The following UBR7 variants were observed in gnomAD, a reference collection of about 807,000 sequenced individuals.
UBR7 encodes the protein putative E3 ubiquitin-protein ligase UBR7.
In UBR7, 22 loss-of-function variants were observed where a neutral mutation model predicts 57.0. The ratio of observed to expected loss-of-function variants is 0.39; its 90% confidence interval spans 0.28 to 0.55. The LOEUF is 0.55. UBR7 is among the 20% of genes least tolerant of loss of function. The pLI is 0.69. For missense variants in UBR7, 395 were observed against 513.2 expected, an observed-to-expected ratio of 0.77 and a Z score of 2.23; for synonymous variants, 167 against 179.8, an observed-to-expected ratio of 0.93 and a Z score of 0.57.
chr14:93,222,117 T>C (rs1220392783), intron 9 of UBR7, among the ~76,000 whole-genome samples, 196 bp from the exon 10 acceptor site: 1 of 151,894 alleles, frequency 6.6e-6, no homozygotes, highest in Non-Finnish European at 1.5e-5. Context: ...TTTTTTTTTT[T>C]TAATGAAAAA....
chr14:93,220,664 A>G (rs1894686421), intron 9 of UBR7, among the ~76,000 whole-genome samples: 2 of 152,182 alleles, frequency 1.3e-5, no homozygotes, highest in Non-Finnish European at 2.9e-5. Context: ...GGATGAATGC[A>G]AATTTTCCAT....
chr14:93,220,697 T>C (rs995420784), intron 9 of UBR7, among the ~76,000 whole-genome samples: 1 of 152,164 alleles, frequency 6.6e-6, no homozygotes, highest in African/African-American at 2.4e-5. Context: ...TTTTTGGACA[T>C]TATGTGTCAT....
At chr14:93,224,084 G>A (rs1894777987) in intron 10 of UBR7, 1 of 1,028,840 alleles carries the variant, frequency 9.7e-7, no homozygotes, top group Non-Finnish European at 1.5e-6. Context: ...GCATTTGGGG[G>A]TGGGCAGGCA....
At chr14:93,223,460 G>A in intron 10 of UBR7, 1 of 541,404 alleles carries the variant, frequency 1.8e-6, no homozygotes, top group Non-Finnish European at 3.3e-6. Flanking sequence ...CTACTTGGGA[G>A]GCTGGCTTGA....
chr14:93,222,248 G>T, intron 9 of UBR7, 65 bp from the exon 10 acceptor site: 1 of 1,200,256 alleles, frequency 8.3e-7, no homozygotes, highest in Non-Finnish European at 1.2e-6. Context: ...CAATGGCAAA[G>T]AATATTTTGT....
At chr14:93,214,846 A>G in intron 4 of UBR7, 83 bp from the exon 5 acceptor site, 1 of 1,201,010 alleles carries the variant, frequency 8.3e-7, no homozygotes. Flanking sequence ...ACAAATATTT[A>G]GTATCTTATT....
intron 9 of UBR7, among the ~76,000 whole-genome samples, chr14:93,222,105 CTT>C (rs746135012): frequency 1.3e-4 from 17 of 135,524 alleles, no homozygotes; most frequent in Admixed American, 1.5e-4. Flanking sequence ...AAAAATTTTG[CTT>C]TTTTTTTTTT....
chr14:93,210,774 A>G (rs1400203525), intron 3 of UBR7, 66 bp downstream of exon 3: 5 of 1,349,460 alleles, frequency 3.7e-6, no homozygotes, highest in South Asian at 1.3e-5. Context: ...CAGAGTGGGT[A>G]AAAAAACAAA....
At chr14:93,219,546 T>A (rs1894662726) in intron 8 of UBR7, among the ~76,000 whole-genome samples, 185 bp downstream of exon 8, 1 of 152,222 alleles carries the variant, frequency 6.6e-6, no homozygotes, top group South Asian at 2.1e-4. Context: ...TTAAGCAAAT[T>A]TATGACATAG....
intron 5 of UBR7, 64 bp downstream of exon 5, chr14:93,215,046 C>T (rs972851156): frequency 1.4e-6 from 2 of 1,468,524 alleles, no homozygotes; most frequent in Non-Finnish European, 1.9e-6. Context: ...TTATATTTTA[C>T]ATTATAATTA....
Position 93,213,229 on chromosome 14 carries a change from T to C in UBR7, c.441+1102T>C, listed in dbSNP as rs1157945520. 1.3e-5 allele frequency among the ~76,000 whole-genome samples: 2 copies of C among 152,292 alleles called. 1 individual carries two copies. Among genetic ancestry groups the C allele is most frequent in the African/African-American group, 4.8e-5 (2 of 41,574 alleles). On this transcript the variant is annotated intron_variant, in intron 4 of 10. Transcript: ENST00000013070. ...AGCAACAGTATATGATAGTGTTTTT[T>C]CCCCAACACTTTTGTCAACCTTGCA... is the stretch of plus-strand genomic sequence containing the variant.
At chr14:93,211,836 A>C (rs1253018461) in intron 3 of UBR7, among the ~76,000 whole-genome samples, 196 bp from the exon 4 acceptor site, 7 of 152,102 alleles carry the variant, frequency 4.6e-5, no homozygotes. Context: ...AAACAAAAAA[A>C]AATTATTTTT....
Position 93,228,943 on chromosome 14 carries a change from TC to T in UBR7, c.*1910del, listed in dbSNP as rs1254795646. On this transcript the variant is annotated 3_prime_UTR_variant, in exon 11 of 11. Transcript: ENST00000013070. Reference sequence around the variant, plus strand: ...GGGCTTGTTTTATGAAAGGTACTATTCCTTCTTTCACATTAACTGGAAACCT... The same window carrying T: ...GGGCTTGTTTTATGAAAGGTACTATTCTTCTTTCACATTAACTGGAAACCT... 1 of 454,130 alleles carries T rather than the reference TC, an allele frequency of 2.2e-6. No individual in the cohort carries two copies. Among genetic ancestry groups the T allele is most frequent in the Non-Finnish European group, 4.4e-6 (1 of 226,794 alleles). The allele number at this position is 454,130 out of a possible 1,614,324, so 28.1% of individuals were successfully genotyped here.
chr14:93,221,112 A>ATT (rs1160957010), intron 9 of UBR7, among the ~76,000 whole-genome samples: 11 of 136,840 alleles, frequency 8.0e-5, no homozygotes, highest in Non-Finnish European at 1.4e-4. Context: ...CGCCCCCCCA[A>ATT]TTTTTTTTTT....
At position 93,217,669 on chromosome 14, in the gene UBR7, T is replaced by A. The variant is rs1005207016; in HGVS notation, c.602-858T>A. Among the ~76,000 whole-genome samples, 8 of 152,250 alleles carry A rather than the reference T, an allele frequency of 5.3e-5. 1 individual carries two copies. The highest frequency in any genetic ancestry group is 1.9e-4 in the African/African-American group (8 of 41,474). ...CAGTGATTGATATTTTCAAATAAACTGTTTAATTATTTGAATTCTTTGGGT... is the reference window on the plus strand; with the variant it reads ...CAGTGATTGATATTTTCAAATAAACAGTTTAATTATTTGAATTCTTTGGGT... On this transcript the variant is annotated intron_variant, in intron 6 of 10. Transcript: ENST00000013070.
At chr14:93,226,873 G>T in intron 10 of UBR7, 70 bp from the exon 11 acceptor site, 1 of 1,005,052 alleles carries the variant, frequency 9.9e-7, no homozygotes. Flanking sequence ...ACTTGTTTGT[G>T]AATGCTATGA....
intron 7 of UBR7, among the ~76,000 whole-genome samples, 158 bp from the exon 8 acceptor site, chr14:93,219,054 C>CA (rs369262547): frequency 0.07 from 9,311 of 133,132 alleles, 928 homozygotes; most frequent in African/African-American, 0.23. Flanking sequence ...GATTCCGTCT[C>CA]AAAAAAAAAA....
intron 4 of UBR7, among the ~76,000 whole-genome samples, chr14:93,214,346 G>A (rs1894549890): frequency 6.6e-6 from 1 of 152,218 alleles, no homozygotes; most frequent in Non-Finnish European, 1.5e-5. Context: ...ACATTGGGAT[G>A]TTAATTAACA....
rs934607573 is a variant in UBR7 at position 93,221,900 on chromosome 14, G to A, written c.1124-413G>A. Among the ~76,000 whole-genome samples, 7 of 152,074 alleles carry A rather than the reference G, an allele frequency of 4.6e-5. No homozygotes were observed. In the East Asian group the frequency reaches 1.4e-3, roughly 30 times the overall value. On this transcript the variant is annotated intron_variant, in intron 9 of 10. Coordinates refer to ENST00000013070, the MANE Select transcript of UBR7 (RefSeq NM_175748.4). ...CGGGAGGCGGAGGTTGCAGTGAGCCGAGATCGTGCCACTGCATTCCAGCCT... is the reference window on the plus strand; with the variant it reads ...CGGGAGGCGGAGGTTGCAGTGAGCCAAGATCGTGCCACTGCATTCCAGCCT...
Sources: allele counts gnomAD v4.1 joint callset (sites outside exome capture counted in the v4.1 genomes callset), GRCh38; gene constraint gnomAD v4.1.1; transcripts MANE v1.5; gene names NCBI Gene and HGNC (gene_info 2026-07-23, HGNC 2026-07-21).